The following CNTN4 variants were observed in gnomAD, a reference collection of about 807,000 sequenced individuals.
CNTN4 encodes the protein contactin-4.
In CNTN4, 77 loss-of-function variants were observed where a neutral mutation model predicts 122.5. That is an observed-to-expected ratio of 0.63 (90% confidence interval 0.52 to 0.76). The LOEUF is 0.76. CNTN4 is among the 30% of genes least tolerant of loss of function. CNTN4 has a pLI of 0.00. For synonymous variants in CNTN4, 512 were observed against 447.0 expected, an observed-to-expected ratio of 1.15 and a Z score of -1.83; for missense variants, 1,256 against 1,259.1, an observed-to-expected ratio of 1.00 and a Z score of 0.04.
intron 6 of CNTN4, among the ~76,000 whole-genome samples, chr3:2,797,888 T>C (rs992614649): frequency 6.0e-5 from 9 of 150,838 alleles, no homozygotes; most frequent in South Asian, 4.2e-4. Flanking sequence ...TTTGTGCAGA[T>C]ACCTTACTAC....
chr3:2,843,684 G>A (rs2093404633), intron 7 of CNTN4, among the ~76,000 whole-genome samples: 1 of 152,132 alleles, frequency 6.6e-6, no homozygotes, highest in South Asian at 2.1e-4. Flanking sequence ...TTTTCACCAT[G>A]TGAAGTGCCC....
intron 7 of CNTN4, among the ~76,000 whole-genome samples, chr3:2,843,512 T>A (rs2093400287): frequency 6.6e-6 from 1 of 152,176 alleles, no homozygotes; most frequent in Non-Finnish European, 1.5e-5. Flanking sequence ...AATCTCATGT[T>A]TAATTGTAAC....
At chr3:2,403,939 C>T (rs2046942875) in intron 3 of CNTN4, among the ~76,000 whole-genome samples, 1 of 152,100 alleles carries the variant, frequency 6.6e-6, no homozygotes, top group Admixed American at 6.6e-5. Flanking sequence ...CTGTTTGAAA[C>T]CCATGGAACT....
At chr3:2,551,764 A>G (rs556110970) in intron 3 of CNTN4, among the ~76,000 whole-genome samples, 61 of 152,246 alleles carry the variant, frequency 4.0e-4, no homozygotes, top group African/African-American at 1.4e-3. Context: ...CTCTCATCTC[A>G]GTTTCTGTTA....
chr3:2,505,171 T>C (rs2076699781), intron 3 of CNTN4, among the ~76,000 whole-genome samples: 1 of 152,144 alleles, frequency 6.6e-6, no homozygotes, highest in Admixed American at 6.5e-5. Context: ...CTTAGGAGAA[T>C]TATTTACTGA....
At chr3:2,441,487 G>T (rs1408144564) in intron 3 of CNTN4, among the ~76,000 whole-genome samples, 2 of 152,166 alleles carry the variant, frequency 1.3e-5, no homozygotes, top group Non-Finnish European at 2.9e-5. Flanking sequence ...TAACAAAGCT[G>T]AAGATAAAGT....
intron 3 of CNTN4, among the ~76,000 whole-genome samples, chr3:2,407,510 T>C (rs1392044764): frequency 1.3e-5 from 2 of 152,004 alleles, no homozygotes; most frequent in East Asian, 3.9e-4. Context: ...TCAAAACATA[T>C]AAAAATCATA....
intron 18 of CNTN4, among the ~76,000 whole-genome samples, chr3:3,038,200 A>G (rs1699789659): frequency 6.6e-6 from 1 of 152,186 alleles, no homozygotes; most frequent in Non-Finnish European, 1.5e-5. Context: ...TGATGACAAT[A>G]TAGCTAGTCC....
At chr3:2,961,973 C>CT (rs1352787846) in intron 13 of CNTN4, among the ~76,000 whole-genome samples, 11 of 152,164 alleles carry the variant, frequency 7.2e-5, no homozygotes. Flanking sequence ...TCATCAAAGT[C>CT]TTTTTAAGCT....
chr3:2,592,217 T>C (rs1220837399), intron 4 of CNTN4, among the ~76,000 whole-genome samples: 1 of 152,198 alleles, frequency 6.6e-6, no homozygotes, highest in Non-Finnish European at 1.5e-5. Flanking sequence ...TGACTTTTTA[T>C]TGTCTTGGCT....
intron 7 of CNTN4, among the ~76,000 whole-genome samples, chr3:2,863,308 A>G (rs772372102): frequency 7.2e-5 from 11 of 152,160 alleles, no homozygotes; most frequent in Non-Finnish European, 1.3e-4. Context: ...TCTCACCAGT[A>G]CACCAGCCAA....
chr3:2,790,761 T>C (rs377259179), intron 6 of CNTN4, among the ~76,000 whole-genome samples: 10 of 152,076 alleles, frequency 6.6e-5, no homozygotes, highest in East Asian at 3.9e-4. Flanking sequence ...GCTATCTTTT[T>C]CTGCCATTCA....
intron 14 of CNTN4, among the ~76,000 whole-genome samples, chr3:3,022,459 G>T (rs1465277848): frequency 1.3e-5 from 2 of 152,004 alleles, no homozygotes; most frequent in Non-Finnish European, 2.9e-5. Context: ...TTATCCAATG[G>T]ACCCCAAAAC....
At chr3:2,826,983 A>AT (rs1381717793) in intron 7 of CNTN4, among the ~76,000 whole-genome samples, 3 of 152,292 alleles carry the variant, frequency 2.0e-5, no homozygotes, top group Middle Eastern at 3.4e-3. Flanking sequence ...ATGAAATCCC[A>AT]TTTTAACCCC....
At chr3:2,106,828 C>G (rs895534460) in intron 2 of CNTN4, among the ~76,000 whole-genome samples, 8 of 152,210 alleles carry the variant, frequency 5.3e-5, no homozygotes, top group African/African-American at 1.7e-4. Flanking sequence ...ATTTTTCAAA[C>G]CTTTTTGCTC....
chr3:2,296,155 A>T (rs9811618), intron 2 of CNTN4, among the ~76,000 whole-genome samples: 47,572 of 151,788 alleles, frequency 0.31, 7,966 homozygotes, highest in East Asian at 0.58. Flanking sequence ...TGACTTGGCG[A>T]TGCGGGCTCT....
intron 2 of CNTN4, among the ~76,000 whole-genome samples, chr3:2,230,528 G>A (rs2039444565): frequency 6.6e-6 from 1 of 152,156 alleles, no homozygotes. Flanking sequence ...GCCTTCCCAT[G>A]CCCAGTGAAG....
chr3:2,915,961 A>G lies in CNTN4; in HGVS notation c.1208-9668A>G, dbSNP rs146127747. Among the ~76,000 whole-genome samples the G allele has an allele frequency of 5.6e-3, 850 of 152,324 alleles. 3 individuals carry two copies. Among genetic ancestry groups the G allele is most frequent in the Middle Eastern group, 0.024 (7 of 294 alleles). ...AAATACTTCATGATTCCACTTTGTG[A>G]GATGTCTAACATAGTCAAACTCATA... is the stretch of plus-strand genomic sequence containing the variant. On this transcript the variant is annotated intron_variant, in intron 12 of 24. Coordinates refer to ENST00000418658, the MANE Select transcript of CNTN4 (RefSeq NM_175607.3).
In CNTN4 at chr3:2,533,952, GT is replaced by G. The variant is rs34715363; in HGVS notation, c.-88-37453del. ...CATATCCTTTGCCCACTTTTTGATGGTTTTTTTTTTTCTTGTAAATTTGTTT... is the reference window on the plus strand; with the variant it reads ...CATATCCTTTGCCCACTTTTTGATGGTTTTTTTTTTCTTGTAAATTTGTTT... On this transcript the variant is annotated intron_variant, in intron 3 of 24. Coordinates refer to ENST00000418658, the MANE Select transcript of CNTN4 (RefSeq NM_175607.3). Among the ~76,000 whole-genome samples, 634 of 146,916 alleles carry G rather than the reference GT, an allele frequency of 4.3e-3. 2 individuals are homozygous for G. Among genetic ancestry groups the G allele is most frequent in the African/African-American group, 9.8e-3 (395 of 40,224 alleles).
Sources: gnomAD v4.1 joint callset for allele counts (sites outside exome capture counted in the v4.1 genomes callset) on GRCh38, gnomAD v4.1.1 for gene constraint, MANE v1.5 for transcripts, NCBI Gene and HGNC (gene_info 2026-07-23, HGNC 2026-07-21) for gene names.